Variants in STOX2 observed in about 807,000 individuals in gnomAD.
STOX2 encodes storkhead box 2.
Under a neutral mutation model 60.9 loss-of-function variants are expected in STOX2, and 28 were observed. That is an observed-to-expected ratio of 0.46 (90% CI 0.34 to 0.63). The LOEUF is 0.63. Among genes scored for constraint, STOX2 ranks in the 30% least tolerant of loss-of-function variants. The pLI is 0.01. For missense variants in STOX2, 1,024 were observed against 1,187.7 expected, an observed-to-expected ratio of 0.86 and a Z score of 2.03; for synonymous variants, 472 against 463.9, an observed-to-expected ratio of 1.02 and a Z score of -0.22.
At chr4:183,859,395 T>C (rs1740378123) in intron 1 of STOX2, among the ~76,000 whole-genome samples, 1 of 152,244 alleles carries the variant, frequency 6.6e-6, no homozygotes, top group South Asian at 2.1e-4. Context: ...TCGGGTGACA[T>C]TGGAGCTGGT....
intron 1 of STOX2, among the ~76,000 whole-genome samples, chr4:183,824,282 A>T (rs1178300969): frequency 6.6e-6 from 1 of 152,210 alleles, no homozygotes; most frequent in East Asian, 1.9e-4. Context: ...CTAATACAAT[A>T]TTCTCACCAC....
At chr4:183,814,693 C>T (rs538575734) in intron 1 of STOX2, among the ~76,000 whole-genome samples, 19 of 152,350 alleles carry the variant, frequency 1.2e-4, no homozygotes, top group East Asian at 7.7e-4. Context: ...GAGCCTGGCA[C>T]GGTTTACACC....
Position 184,009,143 on chromosome 4 carries a change from T to TC in STOX2, c.320-15_320-14insC. The TC allele has an allele frequency of 7.1e-7, 1 of 1,415,956 alleles. No homozygotes were observed. Among genetic ancestry groups the TC allele is most frequent in the Non-Finnish European group, 9.4e-7 (1 of 1,064,326 alleles). The allele number at this position is 1,415,956 out of a possible 1,614,324, so 87.7% of individuals were successfully genotyped here. A position where few individuals can be genotyped will look rare whatever the true frequency, so the allele number is the denominator to read the frequency against. The stretch of plus-strand genomic sequence containing the variant: ...TCTTCATTCTCACAAGTGGTTTTTT[T>TC]TTTTTTTTTTTCAGGTGTTCCAACG... On this transcript the variant is annotated splice_polypyrimidine_tract_variant and intron_variant, in intron 2 of 3. Transcript: ENST00000308497. The surrounding 1 kb of genome is among the most constrained non-coding windows in gnomAD (Gnocchi z 4.0).
intron 1 of STOX2, among the ~76,000 whole-genome samples, chr4:183,938,498 G>A (rs1451284188): frequency 6.6e-6 from 1 of 151,842 alleles, no homozygotes; most frequent in Non-Finnish European, 1.5e-5. Flanking sequence ...GTGAAACCCC[G>A]TCTCTACTAA....
At chr4:183,977,167 T>C (rs916302694) in intron 1 of STOX2, among the ~76,000 whole-genome samples, 3 of 138,904 alleles carry the variant, frequency 2.2e-5, no homozygotes, top group African/African-American at 1.0e-4. Flanking sequence ...ATAGGCAGTA[T>C]AATAGGTAGT....
intron 2 of STOX2, among the ~76,000 whole-genome samples, chr4:184,006,635 CTGAGATCTTGTCACTGCACT>C (rs2111236981): frequency 7.7e-6 from 1 of 129,056 alleles, no homozygotes; most frequent in African/African-American, 3.0e-5. Context: ...CTGCAGTGAG[CTGAGATCTTGTCACTGCACT>C]CCAGCCTGCG....
chr4:183,824,495 A>T (rs1414466059), intron 1 of STOX2, among the ~76,000 whole-genome samples: 2 of 152,212 alleles, frequency 1.3e-5, no homozygotes, highest in Admixed American at 6.5e-5. Flanking sequence ...CTTCTCAAAT[A>T]AACAGCCACA....
At chr4:183,917,158 G>C (rs1166294846) in intron 1 of STOX2, among the ~76,000 whole-genome samples, 1 of 152,216 alleles carries the variant, frequency 6.6e-6, no homozygotes, top group Non-Finnish European at 1.5e-5. Flanking sequence ...GGTCTTGCTG[G>C]CATTCCCAGT....
chr4:184,010,333 G>A lies in STOX2; in HGVS notation c.1495G>A (p.Gly499Ser). ...ERSRSMDNSKGPLGASSLGTP... is the reference protein window; with the variant it reads ...ERSRSMDNSKSPLGASSLGTP... Reference sequence around the variant, plus strand: ...ATCCAGGTCGATGGATAACTCCAAAGGCCCTCTGGGTGCTTCTTCTCTAGG... The same window carrying A: ...ATCCAGGTCGATGGATAACTCCAAAAGCCCTCTGGGTGCTTCTTCTCTAGG... Residue 499 changes from glycine to serine, a missense_variant, in exon 3 of 4, where the codon GGC becomes AGC. By Grantham distance (56) the Gly-to-Ser change is moderately conservative (BLOSUM62 0). Coordinates refer to ENST00000308497, the MANE Select transcript of STOX2 (RefSeq NM_020225.3). The surrounding 1 kb of genome is among the most constrained non-coding windows in gnomAD (Gnocchi z 4.5). The A allele has an allele frequency of 6.2e-7, 1 of 1,608,608 alleles. No individual in the cohort carries two copies. Among genetic ancestry groups the A allele is most frequent in the South Asian group, 1.1e-5 (1 of 89,862 alleles).
chr4:183,850,939 G>A (rs376227920), intron 1 of STOX2, among the ~76,000 whole-genome samples: 39 of 110,394 alleles, frequency 3.5e-4, no homozygotes, highest in African/African-American at 8.1e-4. Context: ...AAAGGATGAG[G>A]GAAAGGATGA....
intron 1 of STOX2, among the ~76,000 whole-genome samples, chr4:183,879,920 G>T (rs1012502097): frequency 2.0e-5 from 3 of 152,138 alleles, no homozygotes; most frequent in Non-Finnish European, 4.4e-5. Flanking sequence ...GAGACCTAGG[G>T]CCTAGTCCAC....
chr4:183,998,981 T>C (rs577418612), intron 1 of STOX2, among the ~76,000 whole-genome samples: 1 of 152,176 alleles, frequency 6.6e-6, no homozygotes, highest in African/African-American at 2.4e-5. Flanking sequence ...GAGTTCAAGG[T>C]TGCAGTGAGC....
At chr4:183,879,376 G>A (rs2111171010) in intron 1 of STOX2, among the ~76,000 whole-genome samples, 1 of 152,330 alleles carries the variant, frequency 6.6e-6, no homozygotes, top group South Asian at 2.1e-4. Context: ...GAAGCACACG[G>A]TGGCTCTATG....
intron 1 of STOX2, among the ~76,000 whole-genome samples, chr4:183,915,870 A>G (rs1447812780): frequency 6.6e-6 from 1 of 152,218 alleles, no homozygotes; most frequent in Non-Finnish European, 1.5e-5. Flanking sequence ...CAGAGCTGGG[A>G]GGGCACATAT....
intron 1 of STOX2, among the ~76,000 whole-genome samples, chr4:183,810,707 C>T (rs1424799584): frequency 4.6e-5 from 7 of 151,996 alleles, no homozygotes; most frequent in Admixed American, 1.3e-4. Context: ...GGATGAATTG[C>T]CTGCACCCTC....
At position 183,857,397 on chromosome 4, in the gene STOX2, G is replaced by T. The variant is rs74999881; in HGVS notation, c.364+59342G>T. Among the ~76,000 whole-genome samples, 125 of 47,730 alleles carry T rather than the reference G, an allele frequency of 2.6e-3. 1 individual carries two copies. The highest frequency in any genetic ancestry group is 7.5e-3 in the African/African-American group (120 of 16,030). 31.3% of individuals were successfully genotyped at this position (47,730 alleles called of 152,430 possible). ...GACTGGTTATCCCGCAGGACTGGTT[G>T]CCTCATAGGATTGGTCATCCCACAG... On this transcript the variant is annotated intron_variant, in intron 1 of 2. Coordinates refer to the STOX2 transcript ENST00000513034.
intron 2 of STOX2, among the ~76,000 whole-genome samples, chr4:184,005,075 T>G (rs186233748): frequency 1.5e-3 from 232 of 152,356 alleles, no homozygotes; most frequent in African/African-American, 5.5e-3. Flanking sequence ...CTAAAGATGC[T>G]CATTAAAGCG....
In STOX2 at chr4:184,009,518, G is replaced by A. The variant is rs1734043178; in HGVS notation, c.680G>A (p.Cys227Tyr). The change falls in exon 3 of 4, where the codon TGT becomes TAT. Residue 227 changes from cysteine to tyrosine, a missense_variant. Coordinates refer to ENST00000308497, the MANE Select transcript of STOX2 (RefSeq NM_020225.3). The surrounding 1 kb of genome is among the most constrained non-coding windows in gnomAD (Gnocchi z 4.0). ...GCCAAGGACTGCAAAGACCCTTACT[G>A]TCCCCCTTCTCTGTGCCAGGTGCCA... ...KSAKDCKDPY[C>Y]PPSLCQVPPT... 9 of 1,613,996 alleles carry A rather than the reference G, an allele frequency of 5.6e-6. No homozygotes were observed. In the East Asian group the frequency reaches 1.8e-4, roughly 32 times the overall value.
At chr4:183,887,350 TTTAGGCCG>T (rs1480417514) in intron 1 of STOX2, among the ~76,000 whole-genome samples, 5 of 152,164 alleles carry the variant, frequency 3.3e-5, no homozygotes, top group Non-Finnish European at 7.3e-5. Flanking sequence ...ACACCATCAA[TTTAGGCCG>T]TTATAAATTT....
Sources: gnomAD v4.1 joint callset for allele counts (sites outside exome capture counted in the v4.1 genomes callset) on GRCh38, gnomAD v4.1.1 for gene constraint, Gnocchi (gnomAD v3.1) non-coding constraint, MANE v1.5 for transcripts, NCBI Gene and HGNC (gene_info 2026-07-23, HGNC 2026-07-21) for gene names.